The following CCDC57 variants were observed in gnomAD, a reference collection of about 807,000 sequenced individuals.
CCDC57 encodes coiled-coil domain containing 57.
CCDC57 carries 118 observed loss-of-function variants against 118.9 expected under a neutral mutation model. The observed-to-expected ratio is 0.99, with a 90% confidence interval of 0.86 to 1.16. The LOEUF is 1.16. CCDC57 is among the 50% of genes most tolerant of loss of function. CCDC57 has a pLI of 0.00. For synonymous variants in CCDC57, 527 were observed against 532.9 expected (o/e 0.99, Z 0.15); for missense variants, 1,300 against 1,320.7 (o/e 0.98, Z 0.24).
Position 82,116,044 on chromosome 17 carries a change from G to A in CCDC57, c.2899+11648C>T, listed in dbSNP as rs183553521. Among the ~76,000 whole-genome samples, 20 of 147,382 alleles carry A rather than the reference G, an allele frequency of 1.4e-4. No homozygotes were observed. The East Asian group carries it at 3.4e-3, about 25-fold the overall frequency. The stretch of plus-strand genomic sequence containing the variant: ...GAACTCCTGACCTCATGATCCACCC[G>A]CCTCAGCCTCCCAAAGTGCTGGGAT... On this transcript the variant is annotated intron_variant, in intron 19 of 19. Coordinates refer to ENST00000665763, the Ensembl canonical transcript of CCDC57.
chr17:82,140,235 G>T (rs887553573), intron 16 of CCDC57, among the ~76,000 whole-genome samples: 3 of 152,096 alleles, frequency 2.0e-5, no homozygotes, highest in Admixed American at 2.0e-4. Flanking sequence ...ACAGATGCCC[G>T]CCACCACGCC....
intron 13 of CCDC57, 108 bp from the exon 13 acceptor site, chr17:82,163,465 C>T: frequency 2.2e-6 from 3 of 1,365,054 alleles, no homozygotes; most frequent in Non-Finnish European, 3.0e-6. Flanking sequence ...GGCCATGGCA[C>T]CAGCGGCTGA....
At position 82,122,342 on chromosome 17, in the gene CCDC57, G is replaced by A. The variant is rs373247731; in HGVS notation, c.2899+5350C>T. ...GGTGGAGGCTGCCCTGGCCACTGCT[G>A]CAGACCCTTTGCAAGGGCGTCTGTC... is the stretch of plus-strand genomic sequence containing the variant. On this transcript the variant is annotated intron_variant, in intron 19 of 19. Coordinates refer to ENST00000665763, the Ensembl canonical transcript of CCDC57. 1.5e-3 allele frequency among the ~76,000 whole-genome samples: 184 copies of A among 126,016 alleles called. 2 individuals carry two copies. Among genetic ancestry groups the A allele is most frequent in the African/African-American group, 5.1e-3 (169 of 33,420 alleles). 82.7% of individuals were successfully genotyped at this position (126,016 alleles called of 152,430 possible).
chr17:82,170,912 C>T (rs973978566), intron 13 of CCDC57, among the ~76,000 whole-genome samples: 6 of 152,262 alleles, frequency 3.9e-5, no homozygotes, highest in South Asian at 2.1e-4. Context: ...TGCAGCACCA[C>T]GGCTACCTCG....
intron 16 of CCDC57, 53 bp from the exon 16 acceptor site, chr17:82,134,247 C>T: frequency 7.9e-7 from 1 of 1,265,040 alleles, no homozygotes; most frequent in Non-Finnish European, 1.0e-6. Context: ...TTCTGGATTC[C>T]TCTTGTGTTG....
intron 19 of CCDC57, among the ~76,000 whole-genome samples, chr17:82,115,747 G>T (rs1381649987): frequency 6.0e-5 from 9 of 149,074 alleles, no homozygotes; most frequent in Non-Finnish European, 1.3e-4. Context: ...CAGCCGGGGC[G>T]ACAGAGGGAG....
chr17:82,125,116 C>T (rs112349813), intron 19 of CCDC57, among the ~76,000 whole-genome samples: 153 of 152,234 alleles, frequency 1.0e-3, no homozygotes, highest in African/African-American at 3.5e-3. Context: ...ACACGGGGAA[C>T]GGAAGCCACA....
chr17:82,121,311 C>T (rs1443258096), intron 19 of CCDC57, among the ~76,000 whole-genome samples: 1 of 152,256 alleles, frequency 6.6e-6, no homozygotes, highest in Non-Finnish European at 1.5e-5. Flanking sequence ...TGGCCACCTC[C>T]TCCACCTGCT....
chr17:82,151,018 C>T (rs1598945496), intron 16 of CCDC57, among the ~76,000 whole-genome samples: 2 of 103,308 alleles, frequency 1.9e-5, no homozygotes, highest in African/African-American at 3.6e-5. Context: ...CAGAACCTGG[C>T]ACACACCCAG....
intron 1 of CCDC57, among the ~76,000 whole-genome samples, chr17:82,210,222 G>A (rs559207893): frequency 6.6e-6 from 1 of 151,592 alleles, no homozygotes; most frequent in African/African-American, 2.4e-5. Flanking sequence ...GCCCCTGCAA[G>A]CCAGCCTGGG....
At chr17:82,140,788 A>G (rs1293150201) in intron 16 of CCDC57, among the ~76,000 whole-genome samples, 2 of 152,108 alleles carry the variant, frequency 1.3e-5, no homozygotes, top group Non-Finnish European at 2.9e-5. Context: ...CCCTCCAAGG[A>G]GAACCCGGCA....
Position 82,201,728 on chromosome 17 carries a change from G to T in CCDC57, c.217C>A (p.Arg73Ser), listed in dbSNP as rs770210260. 3.1e-6 allele frequency: 5 copies of T among 1,613,966 alleles called. No individual in the cohort carries two copies. In the Admixed American group the frequency reaches 5.0e-5, roughly 16 times the overall value. ...GCCTGGGCGAAGGCGGCGTCATAGC[G>T]CTCCAGCTCGAGGTCCCGCTCCTCC... Residue 73 changes from arginine to serine, a missense_variant, in exon 3 of 20, where the codon CGC becomes AGC. Coordinates refer to ENST00000665763, the Ensembl canonical transcript of CCDC57.
intron 7 of CCDC57, among the ~76,000 whole-genome samples, chr17:82,191,186 C>A (rs547512796): frequency 9.2e-5 from 14 of 151,978 alleles, no homozygotes; most frequent in Non-Finnish European, 1.6e-4. Flanking sequence ...TTGGAGAAAC[C>A]CCAGAGCTGA....
intron 18 of CCDC57, 59 bp from the exon 18 acceptor site, chr17:82,127,967 A>C (rs1598741833): frequency 6.3e-7 from 1 of 1,583,174 alleles, no homozygotes; most frequent in Non-Finnish European, 8.5e-7. Flanking sequence ...AAGCCACAGG[A>C]CTCCCCCCAA....
intron 4 of CCDC57, among the ~76,000 whole-genome samples, chr17:82,196,777 CAGA>C (rs1438577443): frequency 6.6e-6 from 1 of 150,738 alleles, no homozygotes; most frequent in African/African-American, 2.4e-5. Flanking sequence ...TGCACCTTCA[CAGA>C]AGAAGCCCCT....
At chr17:82,187,665 G>A (rs1184168277) in intron 8 of CCDC57, among the ~76,000 whole-genome samples, 4 of 67,064 alleles carry the variant, frequency 6.0e-5, no homozygotes, top group African/African-American at 6.4e-5. Flanking sequence ...GGCTCGGCGC[G>A]GGGGAAGCTG....
chr17:82,145,119 T>C (rs1380448901), intron 16 of CCDC57, among the ~76,000 whole-genome samples: 1 of 149,706 alleles, frequency 6.7e-6, no homozygotes, highest in East Asian at 2.0e-4. Flanking sequence ...ACCTCTCGGG[T>C]TCGAGATTCT....
Position 82,198,298 on chromosome 17 carries a change from G to C in CCDC57, c.516+16C>G. ...CAGGGAAAGCACCCAGGAAGGGGCC[G>C]ACCCAGAGGCTCTACCTGTCTCTGC... On this transcript the variant is annotated intron_variant, in intron 4 of 19. Coordinates refer to ENST00000665763, the Ensembl canonical transcript of CCDC57. 6.4e-7 allele frequency: 1 copy of C among 1,552,852 alleles called. No individual in the cohort carries two copies. Among genetic ancestry groups the C allele is most frequent in the Non-Finnish European group, 8.9e-7 (1 of 1,128,178 alleles).
intron 19 of CCDC57, among the ~76,000 whole-genome samples, chr17:82,115,524 G>A (rs1336293069): frequency 3.3e-5 from 5 of 151,904 alleles, no homozygotes; most frequent in South Asian, 2.1e-4. Context: ...TAATCCCAGC[G>A]CTTAGGGAGG....
Sources: allele counts gnomAD v4.1 joint callset (sites outside exome capture counted in the v4.1 genomes callset), GRCh38; gene constraint gnomAD v4.1.1; transcripts MANE v1.5; gene names NCBI Gene and HGNC (gene_info 2026-07-23, HGNC 2026-07-21).